Variants in UNC13B observed in about 807,000 individuals in gnomAD.
The protein encoded by UNC13B is protein unc-13 homolog B.
UNC13B carries 144 observed loss-of-function variants against 211.0 expected under a neutral mutation model. The observed-to-expected ratio is 0.68, with a 90% confidence interval of 0.60 to 0.78. The LOEUF is 0.78. UNC13B is among the 30% of genes least tolerant of loss of function. The pLI is 0.00. For synonymous variants in UNC13B, 709 were observed against 725.8 expected (o/e 0.98, Z 0.37); for missense variants, 1,777 against 2,002.0 (o/e 0.89, Z 2.14).
In UNC13B at chr9:35,305,034, T is replaced by A. The variant is rs935121971; in HGVS notation, c.5630T>A (p.Ile1877Asn). ...QAKSGVKDDEIITTDSISVSP... is the reference protein window; with the variant it reads ...QAKSGVKDDENITTDSISVSP... ...AAATCAGGTGTAAAAGATGATGAAA[T>A]CATTACAACAGACTCTATTTCAGTT... Residue 1877 changes from isoleucine to asparagine, a missense_variant, in exon 9 of 40, where the codon ATC becomes AAC. Physicochemically the swap from Ile to Asn is moderately radical, Grantham distance 149. Transcript: ENST00000635942. 2.5e-6 allele frequency: 1 copy of A among 398,758 alleles called. No homozygotes were observed. The highest frequency in any genetic ancestry group is 4.4e-6 in the Non-Finnish European group (1 of 225,994). The allele number at this position is 398,758 out of a possible 1,614,324, so 24.7% of individuals were successfully genotyped here.
At chr9:35,196,883 A>T (rs1587348858) in intron 1 of UNC13B, among the ~76,000 whole-genome samples, 1 of 152,110 alleles carries the variant, frequency 6.6e-6, no homozygotes, top group East Asian at 1.9e-4. Context: ...CAATCCTCCC[A>T]CCTCAGCCTC....
chr9:35,264,836 C>G (rs1022217013), intron 7 of UNC13B, among the ~76,000 whole-genome samples: 1 of 152,188 alleles, frequency 6.6e-6, no homozygotes, highest in African/African-American at 2.4e-5. Flanking sequence ...TTTGGACTTG[C>G]TTAGGACCTG....
chr9:35,250,989 A>G lies in UNC13B; in HGVS notation c.468+7625A>G, dbSNP rs536328379. The stretch of plus-strand genomic sequence containing the variant: ...TTTTTTTTTTTTTTTTTGAGAAGGA[A>G]TCTCACTCTGTTGCCCAGGCTGGAG... On this transcript the variant is annotated intron_variant, in intron 6 of 39. Transcript: ENST00000635942. 7.2e-4 allele frequency among the ~76,000 whole-genome samples: 95 copies of G among 131,210 alleles called. 1 individual carries two copies. In the South Asian group the frequency reaches 0.017, roughly 24 times the overall value. 86.1% of individuals were successfully genotyped at this position (131,210 alleles called of 152,430 possible). A position where few individuals can be genotyped will look rare whatever the true frequency, so the allele number is the denominator to read the frequency against.
Position 35,397,388 on chromosome 9 carries a change from C to G in UNC13B, c.11676+78C>G, listed in dbSNP as rs554232275. 5.7e-6 allele frequency: 9 copies of G among 1,578,648 alleles called. No homozygotes were observed. The African/African-American group carries it at 1.2e-4, about 21-fold the overall frequency. On this transcript the variant is annotated intron_variant, in intron 29 of 39. Coordinates refer to ENST00000635942, the MANE Select transcript of UNC13B (RefSeq NM_001371189.2). ...CTCATCACAGGCCTGAGCTCAGCAC[C>G]TCTCCACTGTGGCCTCCTGGTAAAG... is the stretch of plus-strand genomic sequence containing the variant.
intron 11 of UNC13B, chr9:35,364,545 A>T: frequency 6.5e-7 from 1 of 1,536,048 alleles, no homozygotes; most frequent in Non-Finnish European, 8.7e-7. Flanking sequence ...CTCCTTGCAG[A>T]AGAAAAGCGA....
intron 1 of UNC13B, among the ~76,000 whole-genome samples, chr9:35,198,958 C>A (rs1341210267): frequency 6.6e-6 from 1 of 152,124 alleles, no homozygotes; most frequent in African/African-American, 2.4e-5. Flanking sequence ...TGTGCTGCGC[C>A]CGTTAACTCA....
At chr9:35,165,005 T>C (rs1820957902) in intron 1 of UNC13B, among the ~76,000 whole-genome samples, 1 of 152,220 alleles carries the variant, frequency 6.6e-6, no homozygotes, top group African/African-American at 2.4e-5. Context: ...AGCTGTGGTA[T>C]TTCCTTCTAA....
chr9:35,319,936 C>T (rs762939663), intron 11 of UNC13B, among the ~76,000 whole-genome samples: 6 of 152,206 alleles, frequency 3.9e-5, no homozygotes, highest in Non-Finnish European at 7.3e-5. Context: ...GCTGGGATTA[C>T]AGGCATGATT....
At chr9:35,183,349 AGGCGGGGCGGCCG>A (rs1324198795) in intron 1 of UNC13B, among the ~76,000 whole-genome samples, 1 of 143,462 alleles carries the variant, frequency 7.0e-6, no homozygotes, top group African/African-American at 2.6e-5. Flanking sequence ...CTCACCTCCC[AGGCGGGGCGGCCG>A]GGCAGAGGCG....
intron 3 of UNC13B, among the ~76,000 whole-genome samples, chr9:35,232,272 C>T (rs931790107): frequency 7.0e-6 from 1 of 143,066 alleles, no homozygotes; most frequent in African/African-American, 2.6e-5. Flanking sequence ...CCTCTAACTC[C>T]TGGGCTTGAG....
At position 35,399,295 on chromosome 9, in the gene UNC13B, C is replaced by T. The variant is rs1236756631; in HGVS notation, c.12198+11C>T. 2.5e-6 allele frequency: 4 copies of T among 1,614,140 alleles called. No homozygotes were observed. The African/African-American group carries it at 4.0e-5, about 16-fold the overall frequency. On this transcript the variant is annotated intron_variant, in intron 34 of 39. Coordinates refer to ENST00000635942, the MANE Select transcript of UNC13B (RefSeq NM_001371189.2). ...CTCACTGACCAGACGGTAAGGACAC[C>T]TCCTTCCACTTCCTCCTGCTGTCTC...
chr9:35,275,925 A>G (rs891319841), intron 7 of UNC13B, among the ~76,000 whole-genome samples: 1 of 152,150 alleles, frequency 6.6e-6, no homozygotes, highest in African/African-American at 2.4e-5. Flanking sequence ...CTACAATAAA[A>G]TGTCCACAGC....
intron 7 of UNC13B, 30 bp downstream of exon 7, chr9:35,259,080 T>C: frequency 6.2e-7 from 1 of 1,610,680 alleles, no homozygotes; most frequent in Non-Finnish European, 8.5e-7. Context: ...ATGAATCTCT[T>C]TTAATTGTAG....
intron 1 of UNC13B, among the ~76,000 whole-genome samples, chr9:35,177,727 A>G (rs1821716313): frequency 6.6e-6 from 1 of 152,214 alleles, no homozygotes; most frequent in African/African-American, 2.4e-5. Flanking sequence ...CTGGGTATAT[A>G]AAAATGAGGA....
chr9:35,363,937 G>T (rs1833599363), intron 11 of UNC13B, among the ~76,000 whole-genome samples: 1 of 152,270 alleles, frequency 6.6e-6, no homozygotes, highest in East Asian at 1.9e-4. Flanking sequence ...ATGCCCCCAG[G>T]CCTGTAGCCA....
intron 1 of UNC13B, among the ~76,000 whole-genome samples, chr9:35,188,925 CT>C (rs771154714): frequency 2.0e-5 from 3 of 152,138 alleles, no homozygotes; most frequent in Non-Finnish European, 4.4e-5. Context: ...TTTTATAACC[CT>C]TTTTACTAAA....
chr9:35,290,700 T>G (rs1159594140), intron 7 of UNC13B, among the ~76,000 whole-genome samples: 1 of 151,718 alleles, frequency 6.6e-6, no homozygotes, highest in Non-Finnish European at 1.5e-5. Context: ...AGAGATCTAA[T>G]TTTTCTTATT....
chr9:35,327,337 G>A (rs1039609581), intron 11 of UNC13B, among the ~76,000 whole-genome samples: 2 of 152,176 alleles, frequency 1.3e-5, no homozygotes, highest in Non-Finnish European at 2.9e-5. Flanking sequence ...TGGAGAAAGA[G>A]AGGAGCCAGT....
intron 1 of UNC13B, among the ~76,000 whole-genome samples, chr9:35,193,308 C>T (rs1822757097): frequency 6.6e-6 from 1 of 152,122 alleles, no homozygotes; most frequent in Non-Finnish European, 1.5e-5. Context: ...TTAAAATCCC[C>T]TTACTAATTA....
Sources: allele counts gnomAD v4.1 joint callset (sites outside exome capture counted in the v4.1 genomes callset), GRCh38; gene constraint gnomAD v4.1.1; transcripts MANE v1.5; gene names NCBI Gene and HGNC (gene_info 2026-07-23, HGNC 2026-07-21).